The following XPO7 variants were observed in gnomAD, a reference collection of about 807,000 sequenced individuals.
XPO7 encodes the protein exportin 7.
XPO7 carries 21 observed loss-of-function variants against 144.3 expected under a neutral mutation model. The observed-to-expected ratio is 0.15, with a 90% CI of 0.10 to 0.21. The LOEUF (loss-of-function observed/expected upper bound fraction) is 0.21, where lower values mean the gene tolerates loss of function less well. Ranked by LOEUF, XPO7 falls within the 10% of genes least tolerant of loss-of-function variation. The probability of loss-of-function intolerance (pLI) is 1.00; values close to 1 mark genes in which losing one functional copy is unlikely to be tolerated. For synonymous variants in XPO7, 580 were observed against 499.6 expected, an observed-to-expected ratio of 1.16 and a Z score of -2.15; for missense variants, 808 against 1,325.8, an observed-to-expected ratio of 0.61 and a Z score of 6.06.
intron 1 of XPO7, among the ~76,000 whole-genome samples, chr8:21,958,145 A>G (rs1432652924): frequency 1.3e-5 from 2 of 152,192 alleles, no homozygotes; most frequent in Non-Finnish European, 2.9e-5. Flanking sequence ...GTGGCAATAA[A>G]TATAATTATG....
At chr8:21,931,957 C>G (rs1298132062) in intron 1 of XPO7, among the ~76,000 whole-genome samples, 1 of 152,134 alleles carries the variant, frequency 6.6e-6, no homozygotes, top group East Asian at 1.9e-4. Flanking sequence ...ATTGCAACCT[C>G]CGCCTCCTGG....
At chr8:21,931,370 T>C (rs1810644061) in intron 1 of XPO7, among the ~76,000 whole-genome samples, 1 of 152,008 alleles carries the variant, frequency 6.6e-6, no homozygotes, top group Non-Finnish European at 1.5e-5. Context: ...ACCATGTTGG[T>C]CAGGCTGGTC....
At chr8:21,946,262 A>T (rs1811184765) in intron 1 of XPO7, among the ~76,000 whole-genome samples, 1 of 152,130 alleles carries the variant, frequency 6.6e-6, no homozygotes. Flanking sequence ...AGAATTATAA[A>T]ATAAGTTAAT....
At chr8:21,987,945 C>G (rs1260856191) in intron 15 of XPO7, 88 bp downstream of exon 15, 1 of 1,366,174 alleles carries the variant, frequency 7.3e-7, no homozygotes, top group Non-Finnish European at 1.0e-6. Context: ...CTGCCAGTGC[C>G]TGGTATTCCA....
chr8:21,951,533 A>G lies in XPO7; in HGVS notation c.19-15324A>G, dbSNP rs1811374108. Among the ~76,000 whole-genome samples the G allele has an allele frequency of 2.6e-5, 4 of 152,320 alleles. No homozygotes were observed. The South Asian group carries it at 8.3e-4, about 32-fold the overall frequency. Reference sequence around the variant, plus strand: ...AATGGAATAGAAACATTCGAGAATTAGGGGACTTCAGAGTCACATAAATAG... The same window carrying G: ...AATGGAATAGAAACATTCGAGAATTGGGGGACTTCAGAGTCACATAAATAG... On this transcript the variant is annotated intron_variant, in intron 1 of 27. Coordinates refer to ENST00000252512, the MANE Select transcript of XPO7 (RefSeq NM_015024.5).
In XPO7 at chr8:21,987,772, T is replaced by C. The variant is rs750507424; in HGVS notation, c.1714-12T>C. ...TTCATGTGTTCTGGTTACTTTCTCTTCTTAACACCAGCTGTACCGCCGACT... is the reference window on the plus strand; with the variant it reads ...TTCATGTGTTCTGGTTACTTTCTCTCCTTAACACCAGCTGTACCGCCGACT... On this transcript the variant is annotated splice_polypyrimidine_tract_variant and intron_variant, in intron 14 of 27. Transcript: ENST00000252512. 5 of 1,613,684 alleles carry C rather than the reference T, an allele frequency of 3.1e-6. No homozygotes were observed. The highest frequency in any genetic ancestry group is 3.4e-6 in the Non-Finnish European group (4 of 1,179,752).
chr8:22,002,319 G>T, intron 25 of XPO7, 47 bp downstream of exon 25: 1 of 1,589,478 alleles, frequency 6.3e-7, no homozygotes, highest in South Asian at 1.1e-5. Context: ...GTCCGACAGA[G>T]GAAGGACCTC....
rs140736098 is a variant in XPO7 at position 21,929,130 on chromosome 8, C to G, written c.18+9342C>G. 2.4e-3 allele frequency among the ~76,000 whole-genome samples: 371 copies of G among 152,248 alleles called. 1 individual carries two copies. The highest frequency in any genetic ancestry group is 8.6e-3 in the African/African-American group (358 of 41,528). ...CAACCACATTTCAAGTGCTCAGTAG[C>G]CACATGAGGCTAATAGCTACCATAT... On this transcript the variant is annotated intron_variant, in intron 1 of 27. Coordinates refer to ENST00000252512, the MANE Select transcript of XPO7 (RefSeq NM_015024.5).
chr8:21,957,070 A>T (rs1423417994), intron 1 of XPO7, among the ~76,000 whole-genome samples: 1 of 152,016 alleles, frequency 6.6e-6, no homozygotes, highest in Admixed American at 6.6e-5. Context: ...ATATTAGTGT[A>T]TCTGCAACTT....
intron 1 of XPO7, among the ~76,000 whole-genome samples, chr8:21,927,558 T>TTTTTC (rs1563308369): frequency 7.2e-6 from 1 of 139,012 alleles, no homozygotes. Context: ...TTTTTTTTTT[T>TTTTTC]TCTTAAGATG....
chr8:21,935,995 A>C (rs1185600538), intron 1 of XPO7, among the ~76,000 whole-genome samples: 1 of 152,166 alleles, frequency 6.6e-6, no homozygotes, highest in Non-Finnish European at 1.5e-5. Context: ...AACCTTGTAG[A>C]ACCCTTTTTT....
chr8:21,998,705 C>T, intron 21 of XPO7, 50 bp from the exon 22 acceptor site: 1 of 1,552,630 alleles, frequency 6.4e-7, no homozygotes, highest in Non-Finnish European at 8.9e-7. Flanking sequence ...GTACCCCAGT[C>T]TTCCAAGAAA....
At chr8:21,936,824 T>G (rs959520648) in intron 1 of XPO7, among the ~76,000 whole-genome samples, 5 of 152,086 alleles carry the variant, frequency 3.3e-5, no homozygotes, top group East Asian at 1.9e-4. Context: ...TTTCTGGGGG[T>G]TTTTCTCTTC....
chr8:22,003,087 A>C (rs1813207902), intron 25 of XPO7, 132 bp from the exon 26 acceptor site: 1 of 517,234 alleles, frequency 1.9e-6, no homozygotes, highest in Non-Finnish European at 3.3e-6. Flanking sequence ...GAAGCTTCAC[A>C]AACTATTTGT....
In XPO7 at chr8:21,989,044, C is replaced by T; in HGVS notation, c.1829C>T (p.Thr610Ile). 1.9e-6 allele frequency: 3 copies of T among 1,613,846 alleles called. No homozygotes were observed. The highest frequency in any genetic ancestry group is 2.2e-5 in the South Asian group (2 of 91,074). The change falls in exon 16 of 28, where the codon ACC (threonine) becomes ATC (isoleucine). Residue 610 changes from threonine to isoleucine, a missense_variant. Transcript: ENST00000252512. ...TACTGGGGCCGTTGTGAACCAATCA[C>T]CTCCAAGACACTACAGCTTCTCAAT... ...LKYWGRCEPI[T>I]SKTLQLLNDL... is the part of the protein sequence containing the mutation.
rs371337661 is a variant in XPO7, at chr8:22,006,123, C to A, written c.*1035C>A. Reference sequence around the variant, plus strand: ...TGGATATTTATATATGTACCCTGCACTCATGAATGTATGAACTGGAGGAAG... The same window carrying A: ...TGGATATTTATATATGTACCCTGCAATCATGAATGTATGAACTGGAGGAAG... On this transcript the variant is annotated 3_prime_UTR_variant, in exon 28 of 28. Transcript: ENST00000252512. 6.6e-6 allele frequency: 1 copy of A among 152,132 alleles called. No individual in the cohort carries two copies. The highest frequency in any genetic ancestry group is 2.1e-4 in the South Asian group (1 of 4,828). 9.4% of individuals were successfully genotyped at this position (152,132 alleles called of 1,614,324 possible).
At chr8:21,920,293 A>T (rs1806351953) in intron 1 of XPO7, among the ~76,000 whole-genome samples, 1 of 150,294 alleles carries the variant, frequency 6.7e-6, no homozygotes, top group African/African-American at 2.5e-5. Context: ...AATACGAGAG[A>T]CCCCCCAGCA....
chr8:21,998,138 G>A (rs773767791), intron 21 of XPO7, among the ~76,000 whole-genome samples: 2 of 152,168 alleles, frequency 1.3e-5, no homozygotes, highest in African/African-American at 2.4e-5. Context: ...GAGGCGACGG[G>A]TAGAAAGTAT....
chr8:21,941,337 A>C (rs1362579947), intron 1 of XPO7, among the ~76,000 whole-genome samples: 7 of 151,754 alleles, frequency 4.6e-5, no homozygotes, highest in Admixed American at 4.6e-4. Flanking sequence ...TTTTTTTTAG[A>C]GATGGGGTCT....
Sources: gnomAD v4.1 joint callset for allele counts (sites outside exome capture counted in the v4.1 genomes callset) on GRCh38, gnomAD v4.1.1 for gene constraint, MANE v1.5 for transcripts, NCBI Gene and HGNC (gene_info 2026-07-23, HGNC 2026-07-21) for gene names.